ECPAS: variants seen among roughly 807,000 people sequenced by gnomAD.
ECPAS encodes the protein proteasome adapter and scaffold protein ECM29.
In ECPAS, 70 loss-of-function variants were observed where a neutral mutation model predicts 255.1. That is an observed-to-expected ratio of 0.27 (90% confidence interval 0.23 to 0.33). The LOEUF is 0.33. Ranked by LOEUF, ECPAS falls within the 10% of genes least tolerant of loss-of-function variation. The probability of loss-of-function intolerance (pLI) is 1.00; values close to 1 mark genes in which losing one functional copy is unlikely to be tolerated. For missense variants in ECPAS, 1,817 were observed against 2,206.4 expected, an observed-to-expected ratio of 0.82 and a Z score of 3.54; for synonymous variants, 784 against 775.0, an observed-to-expected ratio of 1.01 and a Z score of -0.19.
At chr9:111,416,143 G>A (rs889887578) in intron 18 of ECPAS, 129 bp downstream of exon 18, 28 of 593,752 alleles carry the variant, frequency 4.7e-5, no homozygotes, top group African/African-American at 9.3e-5. Flanking sequence ...TAAACAACCC[G>A]ATGAAGAACA....
At chr9:111,377,181 T>TA (rs1468814047) in intron 36 of ECPAS, among the ~76,000 whole-genome samples, 1 of 152,104 alleles carries the variant, frequency 6.6e-6, no homozygotes, top group African/African-American at 2.4e-5. Context: ...ACAGCAATAT[T>TA]AGAGGCAAAG....
chr9:111,367,238 A>C (rs1434425649), intron 46 of ECPAS, among the ~76,000 whole-genome samples: 2 of 152,208 alleles, frequency 1.3e-5, no homozygotes, highest in South Asian at 4.1e-4. Context: ...GCTCAAACAA[A>C]TGTAAAAATG....
intron 1 of ECPAS, among the ~76,000 whole-genome samples, chr9:111,473,349 AATT>A (rs1460557436): frequency 6.6e-6 from 1 of 152,196 alleles, no homozygotes; most frequent in Non-Finnish European, 1.5e-5. Flanking sequence ...GAAGTGTTTC[AATT>A]ACATAATAGT....
intron 5 of ECPAS, 69 bp from the exon 6 acceptor site, chr9:111,440,590 A>G (rs1055701819): frequency 7.9e-7 from 1 of 1,265,690 alleles, no homozygotes; most frequent in Non-Finnish European, 1.1e-6. Context: ...AAACACAGAC[A>G]AAACAAAAAT....
chr9:111,445,534 G>GT (rs2098251755), intron 3 of ECPAS, among the ~76,000 whole-genome samples: 1 of 152,062 alleles, frequency 6.6e-6, no homozygotes, highest in African/African-American at 2.4e-5. Flanking sequence ...TCCAAGCAGA[G>GT]TATCAGTTAT....
intron 1 of ECPAS, among the ~76,000 whole-genome samples, chr9:111,478,276 C>T (rs950674143): frequency 6.6e-6 from 1 of 151,926 alleles, no homozygotes; most frequent in Non-Finnish European, 1.5e-5. Flanking sequence ...CGCCTGTAAT[C>T]CCAGCACTTT....
At position 111,444,334 on chromosome 9, in the gene ECPAS, G is replaced by GA. The variant is rs1292517333; in HGVS notation, c.270+43dup. ...ATGACATCTAATAAATGTTAGGAAAGAAAATTTGCTGTAAGTCAGAAAATA... is the reference window on the plus strand; with the variant it reads ...ATGACATCTAATAAATGTTAGGAAAGAAAAATTTGCTGTAAGTCAGAAAATA... On this transcript the variant is annotated intron_variant, in intron 4 of 49. Coordinates refer to ENST00000684092, the MANE Select transcript of ECPAS (RefSeq NM_001364929.1). The GA allele has an allele frequency of 5.1e-6, 7 of 1,373,252 alleles. No individual in the cohort carries two copies. The Admixed American group carries it at 9.3e-5, about 18-fold the overall frequency. The allele number at this position is 1,373,252 out of a possible 1,614,324, so 85.1% of individuals were successfully genotyped here.
In ECPAS at chr9:111,472,900, T is replaced by C. The variant is rs899156045; in HGVS notation, c.19A>G (p.Arg7Gly). The C allele has an allele frequency of 1.6e-6, 2 of 1,218,936 alleles. No individual in the cohort carries two copies. Among genetic ancestry groups the C allele is most frequent in the East Asian group, 6.3e-5 (1 of 15,766 alleles). The allele number at this position is 1,218,936 out of a possible 1,614,324, so 75.5% of individuals were successfully genotyped here. Residue 7 changes from arginine to glycine, a missense_variant, in exon 2 of 50, where the codon AGA becomes GGA. Arg to Gly is a moderately radical substitution (Grantham distance 125, BLOSUM62 -2). Coordinates refer to ENST00000684092, the MANE Select transcript of ECPAS (RefSeq NM_001364929.1). Reference protein sequence around the residue: MYHIDCRDQLERVFLRL... With the variant: MYHIDCGDQLERVFLRL... ...CTAAGGAACTAAATCTACTAACCTCTACAATCAATGTGATACATGGTTTAT... is the reference window on the plus strand; with the variant it reads ...CTAAGGAACTAAATCTACTAACCTCCACAATCAATGTGATACATGGTTTAT...
chr9:111,448,234 A>G (rs1319581109), intron 3 of ECPAS, among the ~76,000 whole-genome samples: 2 of 152,120 alleles, frequency 1.3e-5, no homozygotes, highest in African/African-American at 4.8e-5. Flanking sequence ...AAATGCCCTC[A>G]ACTCAAATCT....
rs1416768211 is a variant in ECPAS, at chr9:111,383,297, T to C, written c.3717A>G (p.Ala1239=). The change falls in exon 35 of 50, where the codon GCA becomes GCG. Residue 1239 remains alanine (A), a synonymous_variant. Coordinates refer to ENST00000684092, the MANE Select transcript of ECPAS (RefSeq NM_001364929.1). ...GGGCAGCGATGGTTCTCTGGCCAGCTGCTCCTTTGGCAGGGTCACACATTT... is the reference window on the plus strand; with the variant it reads ...GGGCAGCGATGGTTCTCTGGCCAGCCGCTCCTTTGGCAGGGTCACACATTT... The part of the protein sequence containing the change: ...CVKMCDPAKG[A]AGQRTIAALL... The C allele has an allele frequency of 1.2e-6, 2 of 1,612,888 alleles. No homozygotes were observed. The highest frequency in any genetic ancestry group is 2.2e-5 in the South Asian group (2 of 90,720).
At chr9:111,421,674 C>T (rs779703495) in intron 15 of ECPAS, among the ~76,000 whole-genome samples, 4 of 152,080 alleles carry the variant, frequency 2.6e-5, no homozygotes, top group Non-Finnish European at 4.4e-5. Flanking sequence ...ACTTCTAACT[C>T]GGAGGACATG....
intron 2 of ECPAS, among the ~76,000 whole-genome samples, chr9:111,470,189 C>G (rs2098285326): frequency 6.6e-6 from 1 of 152,170 alleles, no homozygotes; most frequent in South Asian, 2.1e-4. Context: ...CTTTCTGTTC[C>G]CTAGTCCACC....
At chr9:111,466,972 A>G (rs1416925757) in intron 2 of ECPAS, among the ~76,000 whole-genome samples, 1 of 152,172 alleles carries the variant, frequency 6.6e-6, no homozygotes, top group Non-Finnish European at 1.5e-5. Flanking sequence ...TTCTCTATCT[A>G]AAGACGAAGA....
intron 22 of ECPAS, among the ~76,000 whole-genome samples, chr9:111,410,594 G>A (rs1243394751): frequency 2.0e-5 from 3 of 152,092 alleles, no homozygotes; most frequent in African/African-American, 7.2e-5. Flanking sequence ...ACAGCTCACC[G>A]CAGCCTGGAC....
intron 2 of ECPAS, among the ~76,000 whole-genome samples, chr9:111,470,785 C>CAT (rs1350448039): frequency 6.6e-6 from 1 of 151,492 alleles, no homozygotes; most frequent in African/African-American, 2.4e-5. Context: ...CACACACACA[C>CAT]ACAGAGGAAG....
intron 1 of ECPAS, among the ~76,000 whole-genome samples, chr9:111,480,287 C>CTTTTTTTTTTTTTT (rs1282400347): frequency 8.8e-6 from 1 of 113,682 alleles, no homozygotes; most frequent in African/African-American, 3.4e-5. Context: ...TTAAAAGCAC[C>CTTTTTTTTTTTTTT]TTTTCTTTTT....
chr9:111,411,227 A>G (rs997787152), intron 21 of ECPAS, 85 bp from the exon 22 acceptor site: 62 of 1,343,506 alleles, frequency 4.6e-5, no homozygotes, highest in South Asian at 1.2e-4. Flanking sequence ...GTCGATTAGG[A>G]TCATCTCTCC....
At chr9:111,432,859 T>A (rs892545483) in intron 8 of ECPAS, among the ~76,000 whole-genome samples, 1 of 152,224 alleles carries the variant, frequency 6.6e-6, no homozygotes, top group Admixed American at 6.5e-5. Flanking sequence ...GTATTAACCA[T>A]AATACATACA....
chr9:111,378,842 T>C (rs1488461849), intron 35 of ECPAS, 112 bp from the exon 36 acceptor site: 2 of 1,063,308 alleles, frequency 1.9e-6, no homozygotes, highest in Non-Finnish European at 1.3e-6. Flanking sequence ...TATTTTCACA[T>C]GGTTGCAGAG....
Sources: gnomAD v4.1 joint callset for allele counts (sites outside exome capture counted in the v4.1 genomes callset) on GRCh38, gnomAD v4.1.1 for gene constraint, MANE v1.5 for transcripts, NCBI Gene and HGNC (gene_info 2026-07-23, HGNC 2026-07-21) for gene names.